DPY19L3: variants seen among roughly 807,000 people sequenced by gnomAD.
The protein encoded by DPY19L3 is dpy-19 like C-mannosyltransferase 3.
A neutral mutation model predicts 92.3 loss-of-function variants in DPY19L3; 51 were observed. The observed-to-expected ratio is 0.55, with a 90% confidence interval of 0.44 to 0.70. DPY19L3 has a LOEUF of 0.70. Ranked by LOEUF, DPY19L3 falls within the 30% of genes least tolerant of loss-of-function variation. DPY19L3 has a pLI of 0.00. For synonymous variants in DPY19L3, 309 were observed against 315.2 expected (o/e 0.98, Z 0.21); for missense variants, 706 against 855.9 (o/e 0.82, Z 2.18).
intron 11 of DPY19L3, 35 bp downstream of exon 11, chr19:32,458,208 T>C: frequency 1.3e-6 from 2 of 1,599,200 alleles, no homozygotes; most frequent in South Asian, 2.3e-5. Context: ...TTTGCTATTT[T>C]CTATTGAATC....
chr19:32,454,693 A>C (rs1010981890), intron 9 of DPY19L3, among the ~76,000 whole-genome samples: 2 of 152,246 alleles, frequency 1.3e-5, no homozygotes, highest in Non-Finnish European at 2.9e-5. Context: ...TAATTAGGAA[A>C]AAAAAGACTA....
intron 10 of DPY19L3, among the ~76,000 whole-genome samples, chr19:32,456,289 GGT>G (rs1261798516): frequency 1.3e-5 from 2 of 151,840 alleles, no homozygotes; most frequent in African/African-American, 4.8e-5. Context: ...TGCCCAGGCT[GGT>G]CTTAAACTCC....
In DPY19L3 at chr19:32,463,588, A is replaced by G. The variant is rs1056002152; in HGVS notation, c.1445+100A>G. 1.0e-5 allele frequency: 14 copies of G among 1,369,292 alleles called. No homozygotes were observed. The African/African-American group carries it at 1.9e-4, about 19-fold the overall frequency. The allele number at this position is 1,369,292 out of a possible 1,614,324, so 84.8% of individuals were successfully genotyped here. A position where few individuals can be genotyped will look rare whatever the true frequency, so the allele number is the denominator to read the frequency against. On this transcript the variant is annotated intron_variant, in intron 13 of 18. Coordinates refer to ENST00000392250, the MANE Select transcript of DPY19L3 (RefSeq NM_001172774.2). ...GTGACAATCATCTTCATTAATGATCATGGTTCCCATAAAATCATCCTTATA... is the reference window on the plus strand; with the variant it reads ...GTGACAATCATCTTCATTAATGATCGTGGTTCCCATAAAATCATCCTTATA...
chr19:32,479,323 T>C (rs1970604076), intron 17 of DPY19L3, among the ~76,000 whole-genome samples: 2 of 151,984 alleles, frequency 1.3e-5, no homozygotes, highest in Non-Finnish European at 2.9e-5. Context: ...AGGGGTGGCC[T>C]CTACTGCTTG....
At chr19:32,426,322 G>A (rs1322555595) in intron 3 of DPY19L3, among the ~76,000 whole-genome samples, 2 of 152,212 alleles carry the variant, frequency 1.3e-5, no homozygotes, top group Non-Finnish European at 2.9e-5. Context: ...CCCCGTATCA[G>A]CAATGAGGCT....
Position 32,483,169 on chromosome 19 carries a change from A to C in DPY19L3, c.*929A>C, listed in dbSNP as rs1247906585. Reference sequence around the variant, plus strand: ...TCTTGCAAAGTCTGAATATTTTTTAAATGTTCTATCTTAACTAGTTCACTA... The same window carrying C: ...TCTTGCAAAGTCTGAATATTTTTTACATGTTCTATCTTAACTAGTTCACTA... On this transcript the variant is annotated 3_prime_UTR_variant, in exon 19 of 19. Coordinates refer to ENST00000392250, the MANE Select transcript of DPY19L3 (RefSeq NM_001172774.2). 1 of 152,134 alleles carries C rather than the reference A, an allele frequency of 6.6e-6. No individual in the cohort carries two copies. The highest frequency in any genetic ancestry group is 1.5e-5 in the Non-Finnish European group (1 of 68,016). The allele number at this position is 152,134 out of a possible 1,614,324, so 9.4% of individuals were successfully genotyped here.
chr19:32,442,511 A>G (rs914222707), intron 8 of DPY19L3, among the ~76,000 whole-genome samples: 2 of 152,200 alleles, frequency 1.3e-5, no homozygotes, highest in African/African-American at 2.4e-5. Context: ...GTATATGTAT[A>G]TAACAAACAT....
At chr19:32,469,355 G>A (rs761914729) in intron 16 of DPY19L3, among the ~76,000 whole-genome samples, 4 of 151,962 alleles carry the variant, frequency 2.6e-5, no homozygotes, top group African/African-American at 4.8e-5. Flanking sequence ...ACAAAAATTA[G>A]CCAGGCATGG....
intron 16 of DPY19L3, among the ~76,000 whole-genome samples, chr19:32,472,637 G>C (rs1295258148): frequency 6.6e-6 from 1 of 151,886 alleles, no homozygotes; most frequent in Non-Finnish European, 1.5e-5. Flanking sequence ...CAGCAAGGCT[G>C]AATGCAACCA....
chr19:32,433,557 A>AC (rs1969039171), intron 4 of DPY19L3, among the ~76,000 whole-genome samples: 1 of 152,020 alleles, frequency 6.6e-6, no homozygotes, highest in Non-Finnish European at 1.5e-5. Flanking sequence ...AGCTGGGACT[A>AC]TGGGTGTGCA....
At chr19:32,458,284 G>C (rs1348749024) in intron 11 of DPY19L3, 67 bp from the exon 12 acceptor site, 2 of 1,586,670 alleles carry the variant, frequency 1.3e-6, no homozygotes, top group African/African-American at 2.7e-5. Flanking sequence ...TCCCTCTGAG[G>C]AAAGATGCAA....
Position 32,439,792 on chromosome 19 carries a change from C to G in DPY19L3, c.737C>G (p.Ala246Gly). ...TTTTTACAGAGGCTGACACTTCTTG[C>G]CATTTTCATATCAACTTTTCTCTTT... ...QPLSERLTLLAIFISTFLFSL... is the reference protein window; with the variant it reads ...QPLSERLTLLGIFISTFLFSL... Residue 246 changes from alanine (A) to glycine (G), a missense_variant, in exon 8 of 19, where the codon GCC becomes GGC. Physicochemically the swap from Ala to Gly is moderately conservative, Grantham distance 60. Transcript: ENST00000392250. The G allele has an allele frequency of 6.2e-7, 1 of 1,613,432 alleles. No homozygotes were observed. Among genetic ancestry groups the G allele is most frequent in the Non-Finnish European group, 8.5e-7 (1 of 1,179,656 alleles).
intron 16 of DPY19L3, among the ~76,000 whole-genome samples, chr19:32,476,543 A>G (rs1047923238): frequency 6.6e-6 from 1 of 151,724 alleles, no homozygotes; most frequent in Non-Finnish European, 1.5e-5. Flanking sequence ...AAAAAAAAAA[A>G]AAAAAGAGGA....
intron 17 of DPY19L3, 144 bp from the exon 18 acceptor site, chr19:32,480,255 G>A: frequency 1.2e-6 from 1 of 855,690 alleles, no homozygotes; most frequent in Middle Eastern, 2.5e-4. Flanking sequence ...GCCTGCAAAT[G>A]AGCGAGTGCA....
intron 14 of DPY19L3, among the ~76,000 whole-genome samples, chr19:32,464,260 C>G (rs111429354): frequency 6.6e-6 from 1 of 151,936 alleles, no homozygotes; most frequent in African/African-American, 2.4e-5. Context: ...CCAATAATCC[C>G]CTTGTCCGGA....
intron 3 of DPY19L3, among the ~76,000 whole-genome samples, chr19:32,420,816 G>GT (rs753350346): frequency 2.8e-4 from 43 of 152,012 alleles, no homozygotes; most frequent in Non-Finnish European, 5.4e-4. Flanking sequence ...AGTGTGTATT[G>GT]TTTTTTAATT....
chr19:32,439,164 C>G lies in DPY19L3; in HGVS notation c.649C>G (p.Leu217Val). ...FTIPLRENWA[L>V]PFFAIQIAAI... ...CATCCCACTGAGGGAGAACTGGGCGCTGCCATTCTTTGCAATTCAGATAGC... is the reference window on the plus strand; with the variant it reads ...CATCCCACTGAGGGAGAACTGGGCGGTGCCATTCTTTGCAATTCAGATAGC... Residue 217 changes from leucine to valine, a missense_variant, in exon 7 of 19, where the codon CTG becomes GTG. Leu to Val is a conservative substitution (Grantham distance 32, BLOSUM62 1). Transcript: ENST00000392250. The G allele has an allele frequency of 6.2e-7, 1 of 1,613,640 alleles. No individual in the cohort carries two copies. The highest frequency in any genetic ancestry group is 2.2e-5 in the East Asian group (1 of 44,874).
At chr19:32,472,862 G>A (rs1486866380) in intron 16 of DPY19L3, among the ~76,000 whole-genome samples, 22 of 151,972 alleles carry the variant, frequency 1.4e-4, no homozygotes, top group Admixed American at 1.4e-3. Flanking sequence ...TTTCTCAATG[G>A]GTCTGAAAAA....
chr19:32,407,571 G>A (rs1301089955), intron 1 of DPY19L3, among the ~76,000 whole-genome samples: 4 of 152,142 alleles, frequency 2.6e-5, no homozygotes, highest in Non-Finnish European at 4.4e-5. Flanking sequence ...GACGCATTGC[G>A]TGGTAACTGC....
Sources: gnomAD v4.1 joint callset for allele counts (sites outside exome capture counted in the v4.1 genomes callset) on GRCh38, gnomAD v4.1.1 for gene constraint, MANE v1.5 for transcripts, NCBI Gene and HGNC (gene_info 2026-07-23, HGNC 2026-07-21) for gene names.